Variants in RBFOX3 observed in about 807,000 individuals in gnomAD.
RBFOX3 encodes the protein RNA binding fox-1 homolog 3.
RBFOX3 carries 17 observed loss-of-function variants against 48.7 expected under a neutral mutation model. That is an observed-to-expected ratio of 0.35 (90% CI 0.24 to 0.52). The LOEUF (loss-of-function observed/expected upper bound fraction) is 0.52. Among genes scored for constraint, RBFOX3 ranks in the 20% least tolerant of loss-of-function variants. The pLI, the probability that RBFOX3 is intolerant of heterozygous loss-of-function variation, is 0.94. For missense variants in RBFOX3, 382 were observed against 497.5 expected (o/e 0.77, Z 2.21); for synonymous variants, 212 against 209.5 (o/e 1.01, Z -0.10).
At chr17:79,151,270 A>AG (rs2044357304) in intron 4 of RBFOX3, among the ~76,000 whole-genome samples, 1 of 150,354 alleles carries the variant, frequency 6.7e-6, no homozygotes, top group Non-Finnish European at 1.5e-5. Context: ...GGGAGAAGCG[A>AG]AATCCAGTGC....
chr17:79,194,275 T>C (rs1351397841), intron 4 of RBFOX3, among the ~76,000 whole-genome samples: 2 of 151,974 alleles, frequency 1.3e-5, no homozygotes, highest in African/African-American at 4.8e-5. Flanking sequence ...GAGCCCAGAT[T>C]CCGAGCAAGG....
intron 1 of RBFOX3, among the ~76,000 whole-genome samples, chr17:79,517,962 C>A (rs2085494857): frequency 6.6e-6 from 1 of 152,150 alleles, no homozygotes; most frequent in African/African-American, 2.4e-5. Context: ...CAGGAGGCAG[C>A]CGGAGAAACC....
At chr17:79,558,996 C>T (rs1010653056) in intron 1 of RBFOX3, among the ~76,000 whole-genome samples, 16 of 152,148 alleles carry the variant, frequency 1.1e-4, no homozygotes, top group African/African-American at 3.6e-4. Context: ...TGAGGGGCAG[C>T]AGCTGGACTC....
At chr17:79,435,718 C>T (rs1423237166) in intron 2 of RBFOX3, among the ~76,000 whole-genome samples, 1 of 152,200 alleles carries the variant, frequency 6.6e-6, no homozygotes, top group African/African-American at 2.4e-5. Context: ...CTGGCATTCC[C>T]ATTGGTTTGC....
chr17:79,394,155 T>C (rs1014391597), intron 2 of RBFOX3, among the ~76,000 whole-genome samples: 2 of 152,124 alleles, frequency 1.3e-5, no homozygotes, highest in Admixed American at 6.5e-5. Context: ...CCCGCGCACA[T>C]CATCTGAATC....
the RBFOX3 span, among the ~76,000 whole-genome samples, chr17:79,620,280 T>C: frequency 3.1e-5 from 4 of 128,288 alleles, no homozygotes; most frequent in East Asian, 2.6e-4. Flanking sequence ...CACATACGCA[T>C]ATGCGCACAC....
intron 1 of RBFOX3, among the ~76,000 whole-genome samples, chr17:79,542,180 G>A (rs1568396194): frequency 6.6e-6 from 1 of 152,080 alleles, no homozygotes; most frequent in Non-Finnish European, 1.5e-5. Context: ...TACAAAGCTG[G>A]AAATTGTTTC....
chr17:79,337,300 C>T (rs2081346072), intron 2 of RBFOX3, among the ~76,000 whole-genome samples: 1 of 152,172 alleles, frequency 6.6e-6, no homozygotes. Flanking sequence ...CACATCCTAA[C>T]AAACTTCTCC....
At chr17:79,592,162 G>A (rs1284287860) in intron 1 of RBFOX3, among the ~76,000 whole-genome samples, 3 of 150,900 alleles carry the variant, frequency 2.0e-5, no homozygotes, top group Admixed American at 6.6e-5. Flanking sequence ...GCATGTGTGT[G>A]TGTCTGCAGG....
At chr17:79,280,172 AC>A (rs2069978457) in intron 3 of RBFOX3, among the ~76,000 whole-genome samples, 1 of 111,752 alleles carries the variant, frequency 8.9e-6, no homozygotes, top group Admixed American at 8.6e-5. Context: ...CGCACACACC[AC>A]TCACACACAC....
intron 1 of RBFOX3, among the ~76,000 whole-genome samples, chr17:79,528,320 C>T (rs949936634): frequency 6.8e-6 from 1 of 146,502 alleles, no homozygotes; most frequent in African/African-American, 2.8e-5. Flanking sequence ...TTAGTTGAAA[C>T]CCTGAGGTAC....
intron 2 of RBFOX3, among the ~76,000 whole-genome samples, chr17:79,341,035 T>C (rs2082002852): frequency 2.0e-5 from 3 of 152,160 alleles, no homozygotes; most frequent in African/African-American, 7.2e-5. Context: ...GGCTCAGCAG[T>C]TGGTTCCCCA....
chr17:79,280,688 C>A (rs1434599858), intron 3 of RBFOX3, among the ~76,000 whole-genome samples: 1 of 152,212 alleles, frequency 6.6e-6, no homozygotes, highest in Non-Finnish European at 1.5e-5. Context: ...TGTAGACGGG[C>A]CTTGGGGCGC....
At chr17:79,228,596 C>T (rs1181009676) in intron 4 of RBFOX3, among the ~76,000 whole-genome samples, 5 of 152,228 alleles carry the variant, frequency 3.3e-5, no homozygotes, top group South Asian at 2.1e-4. Flanking sequence ...CAGGGACCCT[C>T]TTCAGGTTCC....
chr17:79,339,046 T>C (rs2081624529), intron 2 of RBFOX3, among the ~76,000 whole-genome samples: 4 of 146,340 alleles, frequency 2.7e-5, no homozygotes, highest in African/African-American at 9.8e-5. Flanking sequence ...GTGCAGGTGA[T>C]TGCTTTCTTT....
At chr17:79,121,781 A>G (rs1032736651) in intron 4 of RBFOX3, among the ~76,000 whole-genome samples, 1 of 152,168 alleles carries the variant, frequency 6.6e-6, no homozygotes, top group Non-Finnish European at 1.5e-5. Flanking sequence ...CCCAAAGCTC[A>G]GAACTCGGAC....
intron 4 of RBFOX3, among the ~76,000 whole-genome samples, chr17:79,124,673 G>C (rs1214510985): frequency 6.6e-6 from 1 of 152,272 alleles, no homozygotes; most frequent in African/African-American, 2.4e-5. Context: ...TGGGTGGCCA[G>C]GGCTGGCCTT....
At chr17:79,578,906 C>T (rs2092951387) in intron 1 of RBFOX3, among the ~76,000 whole-genome samples, 1 of 152,182 alleles carries the variant, frequency 6.6e-6, no homozygotes. Context: ...AGTGGCACAA[C>T]TGTGGTTACA....
intron 1 of RBFOX3, among the ~76,000 whole-genome samples, chr17:79,510,363 G>T (rs1419581037): frequency 6.6e-6 from 1 of 152,210 alleles, no homozygotes; most frequent in Non-Finnish European, 1.5e-5. Flanking sequence ...TGACAAGCAC[G>T]CAGGACACGA....
Sources: gnomAD v4.1 joint callset for allele counts (sites outside exome capture counted in the v4.1 genomes callset) on GRCh38, gnomAD v4.1.1 for gene constraint, MANE v1.5 for transcripts, NCBI Gene and HGNC (gene_info 2026-07-23, HGNC 2026-07-21) for gene names.